Variants in ABCA1 observed in about 807,000 individuals in gnomAD.
ABCA1 encodes ATP binding cassette subfamily A member 1.
In ABCA1, 133 loss-of-function variants were observed where a neutral mutation model predicts 262.5. That is an observed-to-expected ratio of 0.51 (90% CI 0.44 to 0.59). The LOEUF is 0.59. Ranked by LOEUF, ABCA1 falls within the 20% of genes least tolerant of loss-of-function variation. The pLI, the probability that ABCA1 is intolerant of heterozygous loss-of-function variation, is 0.00. For missense variants in ABCA1, 2,452 were observed against 2,777.5 expected, an observed-to-expected ratio of 0.88 and a Z score of 2.63; for synonymous variants, 1,022 against 1,043.5, an observed-to-expected ratio of 0.98 and a Z score of 0.40.
At position 104,786,293 on chromosome 9, in the gene ABCA1, A is replaced by G. The variant is rs1180384072; in HGVS notation, c.6401+5T>C. 6.2e-7 allele frequency: 1 copy of G among 1,610,246 alleles called. No individual in the cohort carries two copies. The highest frequency in any genetic ancestry group is 8.5e-7 in the Non-Finnish European group (1 of 1,176,672). Reference sequence around the variant, plus strand: ...GCACTATCCCAAAGAAATTATCTTTATTACCTATTTTTTAGATGCTGGACA... The same window carrying G: ...GCACTATCCCAAAGAAATTATCTTTGTTACCTATTTTTTAGATGCTGGACA... On this transcript the variant is annotated splice_donor_5th_base_variant and intron_variant, in intron 48 of 49. Transcript: ENST00000374736.
rs758464203 is a variant in ABCA1, at chr9:104,832,677, T to C, written c.1406A>G (p.Lys469Arg). 1 of 1,614,228 alleles carries C rather than the reference T, an allele frequency of 6.2e-7. No individual in the cohort carries two copies. The highest frequency in any genetic ancestry group is 1.7e-5 in the Admixed American group (1 of 60,032). Reference protein sequence around the residue: ...TAQDIVAFLAKHPEDVQSSNG... With the variant: ...TAQDIVAFLARHPEDVQSSNG... Reference sequence around the variant, plus strand: ...ACTGGACTGGACATCCTCTGGGTGCTTGGCCAAAAACGCCACGATGTCTTG... The same window carrying C: ...ACTGGACTGGACATCCTCTGGGTGCCTGGCCAAAAACGCCACGATGTCTTG... Residue 469 changes from lysine (K) to arginine (R), a missense_variant, in exon 12 of 50, where the codon AAG becomes AGG. Physicochemically the swap from Lys to Arg is conservative, Grantham distance 26. Transcript: ENST00000374736.
In ABCA1 at chr9:104,884,572, T is replaced by C; in HGVS notation, c.161-4A>G. ...ATGGCTTTATTTGGAAAATGGCCTG[T>C]TGAAATCGAGGAGTAGAAAAACACA... is the stretch of plus-strand genomic sequence containing the variant. On this transcript the variant is annotated splice_polypyrimidine_tract_variant and splice_region_variant and intron_variant, in intron 3 of 49. Coordinates refer to ENST00000374736, the MANE Select transcript of ABCA1 (RefSeq NM_005502.4). The C allele has an allele frequency of 1.9e-6, 3 of 1,614,188 alleles. No homozygotes were observed. Among genetic ancestry groups the C allele is most frequent in the Non-Finnish European group, 2.5e-6 (3 of 1,180,042 alleles).
At chr9:104,833,178 CT>C in intron 11 of ABCA1, among the ~76,000 whole-genome samples, 1 of 151,918 alleles carries the variant, frequency 6.6e-6, no homozygotes, top group Non-Finnish European at 1.5e-5. Context: ...ATTTTTTTGC[CT>C]TTTGTTGTTG....
chr9:104,908,011 A>G (rs1841275165), intron 1 of ABCA1, among the ~76,000 whole-genome samples: 1 of 152,244 alleles, frequency 6.6e-6, no homozygotes. Flanking sequence ...TGAAGTTATT[A>G]ATATCTACAG....
intron 2 of ABCA1, among the ~76,000 whole-genome samples, chr9:104,896,748 T>TTTTTTTTC (rs1840256620): frequency 3.3e-5 from 4 of 121,718 alleles, no homozygotes; most frequent in African/African-American, 1.4e-4. Context: ...TTTTTTTTTT[T>TTTTTTTTC]CAGACAGAGT....
At chr9:104,892,527 C>A (rs1275979129) in intron 2 of ABCA1, among the ~76,000 whole-genome samples, 2 of 152,048 alleles carry the variant, frequency 1.3e-5, no homozygotes, top group African/African-American at 4.8e-5. Context: ...ATCTCAATTT[C>A]CCCAGGTACT....
At position 104,883,144 on chromosome 9, in the gene ABCA1, A is replaced by T. The variant is rs774529961; in HGVS notation, c.316T>A (p.Phe106Ile). 3 of 1,614,106 alleles carry T rather than the reference A, an allele frequency of 1.9e-6. No individual in the cohort carries two copies. The highest frequency in any genetic ancestry group is 1.1e-5 in the South Asian group (1 of 91,082). ...AAAAGAAGCCTCCGAGCATCTGAGA[A>T]CAGGCGAGCCACACTGTAAAGGGTG... Reference protein sequence around the residue: ...NFNKSIVARLFSDARRLLLYS... With the variant: ...NFNKSIVARLISDARRLLLYS... Residue 106 changes from phenylalanine to isoleucine, a missense_variant, in exon 5 of 50, where the codon TTC becomes ATC. Around this residue, in one of 4 missense-constraint regions of ABCA1, gnomAD observed 1,032 missense variants for 1,089.7 expected, o/e 0.95. Transcript: ENST00000374736.
intron 4 of ABCA1, among the ~76,000 whole-genome samples, chr9:104,883,574 A>G (rs1311138587): frequency 6.6e-6 from 1 of 152,242 alleles, no homozygotes; most frequent in Admixed American, 6.5e-5. Flanking sequence ...TAATACACTA[A>G]AAATGTATGA....
intron 2 of ABCA1, among the ~76,000 whole-genome samples, chr9:104,893,163 C>A (rs992338544): frequency 1.3e-5 from 2 of 151,838 alleles, no homozygotes; most frequent in Non-Finnish European, 2.9e-5. Flanking sequence ...TGGCTCACAC[C>A]TGTAATCCCA....
Position 104,832,642 on chromosome 9 carries a change from C to A in ABCA1, c.1441G>T (p.Val481Leu), listed in dbSNP as rs183293176. The change falls in exon 12 of 50, where the codon GTG (valine) becomes TTG (leucine). Residue 481 changes from valine to leucine, a missense_variant. Transcript: ENST00000374736. ...TTGAAAGCTTCTCTCCAGGTGTACA[C>A]AGAACCATTACTGGACTGGACATCC... The part of the protein sequence containing the change: ...PEDVQSSNGS[V>L]YTWREAFNET... 15 of 1,614,174 alleles carry A rather than the reference C, an allele frequency of 9.3e-6. No homozygotes were observed. In the East Asian group the frequency reaches 2.9e-4, roughly 31 times the overall value.
At chr9:104,902,835 C>T (rs1413075936) in intron 2 of ABCA1, among the ~76,000 whole-genome samples, 3 of 151,850 alleles carry the variant, frequency 2.0e-5, no homozygotes, top group Non-Finnish European at 4.4e-5. Flanking sequence ...TTAAGACAGC[C>T]AAGTGGGGAT....
At chr9:104,882,968 T>A in intron 5 of ABCA1, 71 bp downstream of exon 5, 1 of 1,354,414 alleles carries the variant, frequency 7.4e-7, no homozygotes, top group Non-Finnish European at 1.1e-6. Flanking sequence ...CCCAGACACC[T>A]GGGCTACTCT....
chr9:104,819,902 T>C (rs374951963), intron 21 of ABCA1, 25 bp downstream of exon 21: 3 of 1,610,664 alleles, frequency 1.9e-6, no homozygotes, highest in East Asian at 2.2e-5. Context: ...GGGAGAGGGA[T>C]AGGGAAGGTA....
Position 104,824,595 on chromosome 9 carries a change from G to C in ABCA1, c.2543-17C>G, listed in dbSNP as rs939814250. On this transcript the variant is annotated splice_polypyrimidine_tract_variant and intron_variant, in intron 17 of 49. Coordinates refer to ENST00000374736, the MANE Select transcript of ABCA1 (RefSeq NM_005502.4). ...CGTACTGGCCTGAAAGCAAAGCACA[G>C]GTATGAGCCAAGCTCAGCATCATCC... 6 of 1,612,730 alleles carry C rather than the reference G, an allele frequency of 3.7e-6. No homozygotes were observed. In the East Asian group the frequency reaches 1.3e-4, roughly 36 times the overall value.
In ABCA1 at chr9:104,818,351, T is replaced by C. The variant is rs77097734; in HGVS notation, c.3462+312A>G. Among the ~76,000 whole-genome samples, 220 of 152,296 alleles carry C rather than the reference T, an allele frequency of 1.4e-3. 1 individual carries two copies. The highest frequency in any genetic ancestry group is 5.1e-3 in the African/African-American group (212 of 41,568). ...AGTAATGAGCAGGAACACCAGGTCATTTGTAGCCAAGGCTCTTACCTCTTG... is the reference window on the plus strand; with the variant it reads ...AGTAATGAGCAGGAACACCAGGTCACTTGTAGCCAAGGCTCTTACCTCTTG... On this transcript the variant is annotated intron_variant, in intron 23 of 49. Transcript: ENST00000374736.
chr9:104,868,507 G>A (rs1837292881), intron 5 of ABCA1, among the ~76,000 whole-genome samples: 1 of 152,204 alleles, frequency 6.6e-6, no homozygotes, highest in Non-Finnish European at 1.5e-5. Context: ...TCTGTCACAG[G>A]ATGCGGAGCT....
chr9:104,899,638 G>A (rs966630910), intron 2 of ABCA1, among the ~76,000 whole-genome samples: 4 of 152,040 alleles, frequency 2.6e-5, no homozygotes, highest in South Asian at 4.2e-4. Context: ...AGGTTGCGGC[G>A]AGCTGAGATC....
chr9:104,859,556 CA>C (rs1836162042), intron 6 of ABCA1, among the ~76,000 whole-genome samples: 1 of 152,234 alleles, frequency 6.6e-6, no homozygotes, highest in Admixed American at 6.5e-5. Flanking sequence ...GCTTGTAGAA[CA>C]ACCTAAGGTG....
chr9:104,799,741 G>T, intron 36 of ABCA1, 78 bp downstream of exon 36: 2 of 1,613,216 alleles, frequency 1.2e-6, no homozygotes, highest in South Asian at 1.1e-5. Flanking sequence ...CCCCTACAAT[G>T]AGATTCACAT....
Sources: gnomAD v4.1 joint callset for allele counts (sites outside exome capture counted in the v4.1 genomes callset) on GRCh38, gnomAD v4.1.1 for gene constraint, gnomAD v4.1.1 regional missense constraint, MANE v1.5 for transcripts, NCBI Gene and HGNC (gene_info 2026-07-23, HGNC 2026-07-21) for gene names.